Variants in SPDYE4 observed in about 807,000 individuals in gnomAD.
The protein encoded by SPDYE4 is speedy protein E4.
A neutral mutation model predicts 37.5 loss-of-function variants in SPDYE4; 30 were observed. The observed-to-expected ratio is 0.80, with a 90% confidence interval of 0.60 to 1.09. SPDYE4 has a LOEUF of 1.09. Ranked by LOEUF, SPDYE4 falls within the 50% of genes least tolerant of loss-of-function variation. The pLI, the probability that SPDYE4 is intolerant of heterozygous loss-of-function variation, is 0.00. For missense variants in SPDYE4, 300 were observed against 307.9 expected (o/e 0.97, Z 0.19); for synonymous variants, 131 against 120.3 (o/e 1.09, Z -0.58).
downstream of SPDYE4, among the ~76,000 whole-genome samples, chr17:8,750,756 G>C (rs554112846): frequency 2.9e-4 from 44 of 152,210 alleles, no homozygotes; most frequent in Middle Eastern, 3.4e-3. Context: ...TTATTTTCCA[G>C]GGTTAATAGA....
chr17:8,755,477 A>G, intron 4 of SPDYE4, 43 bp downstream of exon 4: 1 of 1,594,886 alleles, frequency 6.3e-7, no homozygotes, highest in Non-Finnish European at 8.6e-7. Flanking sequence ...CCACTGTCCC[A>G]GGGTGTTGGA....
downstream of SPDYE4, among the ~76,000 whole-genome samples, chr17:8,748,712 C>T (rs772916112): frequency 1.8e-4 from 27 of 152,160 alleles, no homozygotes; most frequent in African/African-American, 4.8e-4. Flanking sequence ...ATGTTTCATG[C>T]GCATTTTAAA....
chr17:8,757,815 T>A (rs940202602), intron 1 of SPDYE4, among the ~76,000 whole-genome samples: 2 of 149,204 alleles, frequency 1.3e-5, no homozygotes, highest in Non-Finnish European at 3.0e-5. Flanking sequence ...GGAGTCTCCC[T>A]CTTGTTGCCC....
At chr17:8,757,595 G>T (rs960725573) in intron 1 of SPDYE4, 103 bp from the exon 2 acceptor site, 2 of 1,201,884 alleles carry the variant, frequency 1.7e-6, no homozygotes, top group Non-Finnish European at 2.3e-6. Context: ...CCCAAGCCTC[G>T]CAGACTGTCA....
At chr17:8,756,119 C>A (rs536357685) in intron 3 of SPDYE4, among the ~76,000 whole-genome samples, 1 of 151,970 alleles carries the variant, frequency 6.6e-6, no homozygotes, top group African/African-American at 2.4e-5. Flanking sequence ...TTGGAGAGGC[C>A]GAGGCGGGAG....
intron 6 of SPDYE4, among the ~76,000 whole-genome samples, 152 bp downstream of exon 6, chr17:8,752,942 G>A (rs114956127): frequency 0.033 from 4,965 of 152,106 alleles, 246 homozygotes; most frequent in African/African-American, 0.11. Flanking sequence ...GACTAGAGGC[G>A]CCCACCAGGA....
chr17:8,757,152 G>A (rs938982706), intron 2 of SPDYE4, 110 bp downstream of exon 2: 41 of 974,822 alleles, frequency 4.2e-5, no homozygotes, highest in African/African-American at 2.8e-4. Context: ...TGCATGGAGC[G>A]CTCATCCCCC....
chr17:8,753,527 C>T (rs773402571), intron 4 of SPDYE4, 38 bp from the exon 5 acceptor site: 6 of 1,606,502 alleles, frequency 3.7e-6, no homozygotes, highest in Admixed American at 1.7e-5. Context: ...AGGGGCCCCA[C>T]CAGGAGGGAC....
intron 4 of SPDYE4, among the ~76,000 whole-genome samples, chr17:8,755,120 A>T (rs1210702202): frequency 6.6e-6 from 1 of 152,176 alleles, no homozygotes; most frequent in Non-Finnish European, 1.5e-5. Context: ...GTATTTGATG[A>T]TGGATCTGTG....
chr17:8,756,302 T>A, intron 3 of SPDYE4, 76 bp downstream of exon 3: 1 of 1,373,692 alleles, frequency 7.3e-7, no homozygotes. Flanking sequence ...GGAGAGAAAC[T>A]GTGGGTTTAG....
In SPDYE4 at chr17:8,751,417, G is replaced by C. The variant is rs915209646; in HGVS notation, c.*865C>G. Reference sequence around the variant, plus strand: ...TTGGACATGTTAGTATATATGGAAGGCATGTTAAAAATCACAACTGAATTC... The same window carrying C: ...TTGGACATGTTAGTATATATGGAAGCCATGTTAAAAATCACAACTGAATTC... On this transcript the variant is annotated 3_prime_UTR_variant, in exon 7 of 7. Coordinates refer to ENST00000689094, the MANE Select transcript of SPDYE4 (RefSeq NM_001394956.1). Among the ~76,000 whole-genome samples the C allele has an allele frequency of 4.3e-4, 65 of 152,072 alleles. No individual in the cohort carries two copies. The highest frequency in any genetic ancestry group is 1.5e-3 in the African/African-American group (64 of 41,396).
At position 8,753,072 on chromosome 17, in the gene SPDYE4, A is replaced by G. The variant is rs148739105; in HGVS notation, c.*44+22T>C. On this transcript the variant is annotated intron_variant, in intron 6 of 6. Coordinates refer to ENST00000689094, the MANE Select transcript of SPDYE4 (RefSeq NM_001394956.1). ...TTATAGATGAGAATATTCTGCCTTT[A>G]CCCTGGAGGATACACACGTACCTTC... is the stretch of plus-strand genomic sequence containing the variant. 3.5e-5 allele frequency: 55 copies of G among 1,559,258 alleles called. 2 individuals carry two copies. The Middle Eastern group carries it at 9.4e-4, about 27-fold the overall frequency.
chr17:8,758,160 T>G (rs1404714283), intron 1 of SPDYE4, 114 bp downstream of exon 1: 2 of 867,436 alleles, frequency 2.3e-6, no homozygotes, highest in Non-Finnish European at 3.5e-6. Context: ...GCTTCCTGAG[T>G]CCGTCGTTTC....
At position 8,756,389 on chromosome 17, in the gene SPDYE4, C is replaced by G. The variant is rs772388013; in HGVS notation, c.388G>C (p.Val130Leu). 1 of 1,613,932 alleles carries G rather than the reference C, an allele frequency of 6.2e-7. No individual in the cohort carries two copies. The highest frequency in any genetic ancestry group is 8.5e-7 in the Non-Finnish European group (1 of 1,179,896). ...KFLAWDKDLR[V>L]SDKYLLAMVI... ...GAGAACAACCTTACCTTGTCTGACACCCTCAGGTCTTTGTCCCAGGCCAGG... is the reference window on the plus strand; with the variant it reads ...GAGAACAACCTTACCTTGTCTGACAGCCTCAGGTCTTTGTCCCAGGCCAGG... Residue 130 changes from valine (V) to leucine (L), a missense_variant, in exon 3 of 7, where the codon GTG becomes CTG. Coordinates refer to ENST00000689094, the MANE Select transcript of SPDYE4 (RefSeq NM_001394956.1).
chr17:8,753,234 C>A, intron 5 of SPDYE4, 37 bp from the exon 6 acceptor site: 1 of 1,613,660 alleles, frequency 6.2e-7, no homozygotes, highest in Non-Finnish European at 8.5e-7. Context: ...GCCAGGGATT[C>A]CCCAGGAAGC....
intron 4 of SPDYE4, among the ~76,000 whole-genome samples, chr17:8,754,218 G>A (rs550048441): frequency 1.3e-5 from 2 of 152,210 alleles, no homozygotes; most frequent in Non-Finnish European, 2.9e-5. Flanking sequence ...AATGCCATAT[G>A]AATTATTCCA....
chr17:8,757,585 C>T (rs1031883783), intron 1 of SPDYE4, 93 bp from the exon 2 acceptor site: 55 of 1,309,002 alleles, frequency 4.2e-5, no homozygotes, highest in Middle Eastern at 1.9e-4. Context: ...CTTCCATCCT[C>T]CCAAGCCTCG....
downstream of SPDYE4, among the ~76,000 whole-genome samples, chr17:8,749,518 G>A (rs1010751604): frequency 1.3e-5 from 2 of 151,900 alleles, no homozygotes; most frequent in South Asian, 2.1e-4. Flanking sequence ...TGCCCACCTC[G>A]GCCTCCCAAA....
downstream of SPDYE4, among the ~76,000 whole-genome samples, chr17:8,750,653 T>C (rs2086721932): frequency 6.6e-6 from 1 of 152,194 alleles, no homozygotes; most frequent in Non-Finnish European, 1.5e-5. Flanking sequence ...GAGCTTGCAG[T>C]GAGCTGAGAT....
Sources: gnomAD v4.1 joint callset for allele counts (sites outside exome capture counted in the v4.1 genomes callset) on GRCh38, gnomAD v4.1.1 for gene constraint, MANE v1.5 for transcripts, NCBI Gene and HGNC (gene_info 2026-07-23, HGNC 2026-07-21) for gene names.